INSYN2B: variants seen among roughly 807,000 people sequenced by gnomAD.
INSYN2B encodes the protein protein INSYN2B.
INSYN2B carries 16 observed loss-of-function variants against 41.2 expected under a neutral mutation model. The observed-to-expected ratio is 0.39, with a 90% confidence interval of 0.26 to 0.59. The LOEUF (loss-of-function observed/expected upper bound fraction) is 0.59, where lower values mean the gene tolerates loss of function less well. INSYN2B is among the 20% of genes least tolerant of loss of function. The probability of loss-of-function intolerance (pLI) is 0.57; values close to 1 mark genes in which losing one functional copy is unlikely to be tolerated. For missense variants in INSYN2B, 608 were observed against 646.4 expected (o/e 0.94, Z 0.64); for synonymous variants, 245 against 244.4 (o/e 1.00, Z -0.02).
chr5:169,911,948 A>G (rs1252020116), intron 1 of INSYN2B, among the ~76,000 whole-genome samples: 2 of 152,178 alleles, frequency 1.3e-5, no homozygotes, highest in African/African-American at 2.4e-5. Context: ...TTTCATTTCC[A>G]TGATGTTTCC....
intron 3 of INSYN2B, among the ~76,000 whole-genome samples, chr5:169,867,588 A>G (rs1048817786): frequency 1.3e-4 from 20 of 151,740 alleles, no homozygotes; most frequent in Non-Finnish European, 2.2e-4. Flanking sequence ...TCTGTCATCT[A>G]TCGTTATCTA....
chr5:169,861,725 A>G lies in INSYN2B; in HGVS notation c.*2548T>C, dbSNP rs1771210088. 6.6e-6 allele frequency among the ~76,000 whole-genome samples: 1 copy of G among 152,128 alleles called. No individual in the cohort carries two copies. The highest frequency in any genetic ancestry group is 1.5e-5 in the Non-Finnish European group (1 of 68,022). On this transcript the variant is annotated 3_prime_UTR_variant, in exon 4 of 4. Transcript: ENST00000377365. ...GTGTGGTGTTTTAAACATAGAGACG[A>G]CCATTTTTGTTCATCAGGAAAATGT...
At position 169,928,917 on chromosome 5, in the gene INSYN2B, A is replaced by C. The variant is rs1204012770; in HGVS notation, c.-918-44101T>G. Among the ~76,000 whole-genome samples, 4 of 152,212 alleles carry C rather than the reference A, an allele frequency of 2.6e-5. No individual in the cohort carries two copies. The East Asian group carries it at 7.7e-4, about 29-fold the overall frequency. On this transcript the variant is annotated intron_variant, in intron 1 of 3. Transcript: ENST00000377365. Reference sequence around the variant, plus strand: ...CTGTTCCTGCTTGAATAGTGGAATAATTAGCAGATAACTGCGCTATTAATT... The same window carrying C: ...CTGTTCCTGCTTGAATAGTGGAATACTTAGCAGATAACTGCGCTATTAATT...
chr5:169,882,777 T>C lies in INSYN2B; in HGVS notation c.1122A>G (p.Pro374=). The change falls in exon 2 of 4, where the codon CCA becomes CCG. Residue 374 remains proline, a synonymous_variant. Transcript: ENST00000377365. The part of the protein sequence containing the change: ...ESDTLEFPNC[P]GSNHLPSSLS... ...GAGAGGATGGGAGATGATTACTTCCTGGACAATTTGGAAACTCCAGTGTGT... is the reference window on the plus strand; with the variant it reads ...GAGAGGATGGGAGATGATTACTTCCCGGACAATTTGGAAACTCCAGTGTGT... 1.3e-6 allele frequency: 2 copies of C among 1,551,684 alleles called. No homozygotes were observed. Among genetic ancestry groups the C allele is most frequent in the South Asian group, 2.4e-5 (2 of 84,034 alleles).
chr5:169,974,319 G>A (rs986953053), intron 1 of INSYN2B, among the ~76,000 whole-genome samples: 2 of 152,178 alleles, frequency 1.3e-5, no homozygotes, highest in African/African-American at 4.8e-5. Flanking sequence ...GATCATCAGT[G>A]TACTTTTTAA....
Position 169,882,610 on chromosome 5 carries a change from A to C in INSYN2B, c.1289T>G (p.Ile430Ser). Residue 430 changes from isoleucine to serine, a missense_variant, in exon 2 of 4, where the codon ATT becomes AGT. Physicochemically the swap from Ile to Ser is moderately radical, Grantham distance 142. Coordinates refer to ENST00000377365, the MANE Select transcript of INSYN2B (RefSeq NM_001129891.3). ...TTGAATTACATTCAAAAGGACTTTA[A>C]TTTTCTCTTGGTTCGAGTGCAGAGA... Reference protein sequence around the residue: ...EESLHSNQEKIKVLLNVIQDL... With the variant: ...EESLHSNQEKSKVLLNVIQDL... 1 of 1,551,730 alleles carries C rather than the reference A, an allele frequency of 6.4e-7. No homozygotes were observed. The highest frequency in any genetic ancestry group is 8.7e-7 in the Non-Finnish European group (1 of 1,146,914).
chr5:169,930,309 C>A (rs1408668861), intron 1 of INSYN2B, among the ~76,000 whole-genome samples: 1 of 152,132 alleles, frequency 6.6e-6, no homozygotes, highest in Non-Finnish European at 1.5e-5. Flanking sequence ...TTTAAATAAC[C>A]ACATATGGGT....
chr5:169,880,265 G>A (rs963182299), intron 3 of INSYN2B, among the ~76,000 whole-genome samples: 3 of 152,204 alleles, frequency 2.0e-5, no homozygotes, highest in African/African-American at 7.2e-5. Context: ...AGGAGCTGAT[G>A]GGTTCAATGA....
chr5:169,883,645 C>A lies in INSYN2B; in HGVS notation c.254G>T (p.Arg85Met). 6.4e-7 allele frequency: 1 copy of A among 1,551,234 alleles called. No homozygotes were observed. The highest frequency in any genetic ancestry group is 8.7e-7 in the Non-Finnish European group (1 of 1,146,768). The change falls in exon 2 of 4, where the codon AGG (arginine) becomes ATG (methionine). Residue 85 changes from arginine to methionine, a missense_variant. By Grantham distance (91) the Arg-to-Met change is moderately conservative. Transcript: ENST00000377365. ...GCGAAAGCCCCCTGCCTTCTGGGACCTGGGGAAGGAGAGCGAGTAGGTGGG... is the reference window on the plus strand; with the variant it reads ...GCGAAAGCCCCCTGCCTTCTGGGACATGGGGAAGGAGAGCGAGTAGGTGGG... ...LPPTYSLSFP[R>M]SQKAGGFRNI...
chr5:169,867,507 CTATT>C (rs1285614928), intron 3 of INSYN2B, among the ~76,000 whole-genome samples: 21 of 151,916 alleles, frequency 1.4e-4, no homozygotes, highest in African/African-American at 3.6e-4. Context: ...CATCTATTAT[CTATT>C]TATCTATCTA....
At chr5:169,976,821 G>A (rs1322403727) in intron 1 of INSYN2B, among the ~76,000 whole-genome samples, 1 of 152,182 alleles carries the variant, frequency 6.6e-6, no homozygotes, top group Non-Finnish European at 1.5e-5. Flanking sequence ...CTCTGCCGGA[G>A]TTGCCATGTT....
At chr5:169,880,887 C>T (rs1294312558) in intron 3 of INSYN2B, among the ~76,000 whole-genome samples, 1 of 152,170 alleles carries the variant, frequency 6.6e-6, no homozygotes, top group Non-Finnish European at 1.5e-5. Context: ...TAGAAATGAA[C>T]ATAAAGTTCT....
chr5:169,876,574 A>T (rs531164854), intron 3 of INSYN2B, among the ~76,000 whole-genome samples: 2 of 152,188 alleles, frequency 1.3e-5, no homozygotes, highest in Admixed American at 6.5e-5. Flanking sequence ...TCAATGTCCT[A>T]TGAAAGTGCA....
At chr5:169,956,011 G>T (rs1776850828) in intron 1 of INSYN2B, among the ~76,000 whole-genome samples, 1 of 149,914 alleles carries the variant, frequency 6.7e-6, no homozygotes, top group Non-Finnish European at 1.5e-5. Context: ...GGGAAACAAA[G>T]AGTCAAATGT....
intron 1 of INSYN2B, among the ~76,000 whole-genome samples, chr5:169,923,526 A>T (rs926679798): frequency 5.3e-5 from 8 of 151,920 alleles, no homozygotes; most frequent in Non-Finnish European, 4.4e-5. Context: ...TTGCAGGGGA[A>T]TTTTGAGCCA....
At chr5:169,876,878 C>G (rs181931721) in intron 3 of INSYN2B, among the ~76,000 whole-genome samples, 1 of 152,192 alleles carries the variant, frequency 6.6e-6, no homozygotes, top group African/African-American at 2.4e-5. Context: ...AGAGTCATTT[C>G]TTTCTTTAAT....
intron 1 of INSYN2B, among the ~76,000 whole-genome samples, chr5:169,936,905 AT>A (rs889197808): frequency 4.6e-5 from 7 of 152,234 alleles, no homozygotes; most frequent in Non-Finnish European, 8.8e-5. Context: ...ACACTTAATA[AT>A]TCAAACATAC....
intron 1 of INSYN2B, among the ~76,000 whole-genome samples, chr5:169,955,754 G>A (rs1776840765): frequency 6.6e-6 from 1 of 152,148 alleles, no homozygotes; most frequent in South Asian, 2.1e-4. Context: ...TCTGTGTAAT[G>A]GGCACTAAGA....
At chr5:169,925,155 G>GT (rs1775367661) in intron 1 of INSYN2B, among the ~76,000 whole-genome samples, 1 of 152,066 alleles carries the variant, frequency 6.6e-6, no homozygotes, top group Admixed American at 6.5e-5. Flanking sequence ...GTAATACATG[G>GT]TAAAGAGGGG....
Sources: allele counts gnomAD v4.1 joint callset (sites outside exome capture counted in the v4.1 genomes callset), GRCh38; gene constraint gnomAD v4.1.1; transcripts MANE v1.5; gene names NCBI Gene and HGNC (gene_info 2026-07-23, HGNC 2026-07-21).